DENND1A: variants seen among roughly 807,000 people sequenced by gnomAD.
The protein encoded by DENND1A is DENN domain containing 1A, also known as DENN domain-containing protein 1A.
In DENND1A, 51 loss-of-function variants were observed where a neutral mutation model predicts 113.7. The ratio of observed to expected loss-of-function variants is 0.45; its 90% CI spans 0.36 to 0.57. The LOEUF (loss-of-function observed/expected upper bound fraction) is 0.57. Among genes scored for constraint, DENND1A ranks in the 20% least tolerant of loss-of-function variants. The pLI, the probability that DENND1A is intolerant of heterozygous loss-of-function variation, is 0.00. For missense variants in DENND1A, 1,258 were observed against 1,395.9 expected, an observed-to-expected ratio of 0.90 and a Z score of 1.57; for synonymous variants, 565 against 570.8, an observed-to-expected ratio of 0.99 and a Z score of 0.14.
At chr9:123,613,304 T>C (rs1479036275) in intron 10 of DENND1A, among the ~76,000 whole-genome samples, 1 of 151,778 alleles carries the variant, frequency 6.6e-6, no homozygotes, top group Non-Finnish European at 1.5e-5. Context: ...GAGCATACAT[T>C]AAAAATAAAA....
intron 9 of DENND1A, among the ~76,000 whole-genome samples, chr9:123,648,874 A>G (rs1589507515): frequency 6.6e-6 from 1 of 152,176 alleles, no homozygotes; most frequent in African/African-American, 2.4e-5. Context: ...GATTCCCCAG[A>G]GATGCTACAA....
intron 6 of DENND1A, among the ~76,000 whole-genome samples, chr9:123,673,129 C>T (rs964482174): frequency 1.3e-5 from 2 of 152,190 alleles, no homozygotes; most frequent in Non-Finnish European, 1.5e-5. Flanking sequence ...GTCAATGTCC[C>T]TTCACTCATG....
intron 18 of DENND1A, among the ~76,000 whole-genome samples, chr9:123,442,854 G>C (rs1403235930): frequency 6.6e-6 from 1 of 152,126 alleles, no homozygotes; most frequent in Non-Finnish European, 1.5e-5. Context: ...ACTACCACCT[G>C]CTTGGCAAAC....
intron 12 of DENND1A, among the ~76,000 whole-genome samples, chr9:123,580,227 C>T (rs577384819): frequency 2.0e-4 from 30 of 152,266 alleles, no homozygotes; most frequent in Middle Eastern, 6.8e-3. Flanking sequence ...AAATAACTCA[C>T]CCAAGTTACT....
intron 1 of DENND1A, among the ~76,000 whole-genome samples, chr9:123,914,240 C>T (rs375300584): frequency 2.0e-5 from 3 of 151,924 alleles, no homozygotes; most frequent in South Asian, 2.1e-4. Flanking sequence ...AAAGTACCTG[C>T]GACTTCTTTA....
At chr9:123,890,023 C>T (rs1350333949) in intron 1 of DENND1A, among the ~76,000 whole-genome samples, 1 of 152,090 alleles carries the variant, frequency 6.6e-6, no homozygotes, top group Admixed American at 6.6e-5. Flanking sequence ...AACTTATGCC[C>T]CTCAGTCAGT....
intron 2 of DENND1A, among the ~76,000 whole-genome samples, chr9:123,818,517 TATACACACACACACACACACACACAC>T (rs1431643348): frequency 8.1e-6 from 1 of 123,136 alleles, no homozygotes; most frequent in South Asian, 2.6e-4. Context: ...TATACATACA[TATACACACACACACACACACACACAC>T]ACACACACAC....
At chr9:123,492,963 A>T (rs940443458) in intron 13 of DENND1A, 3 of 152,268 alleles carry the variant, frequency 2.0e-5, no homozygotes, top group Non-Finnish European at 4.4e-5. Context: ...GTGCTTACCC[A>T]TTGAGGCTCT....
chr9:123,512,710 C>T (rs773932204), intron 13 of DENND1A, among the ~76,000 whole-genome samples: 3 of 152,174 alleles, frequency 2.0e-5, no homozygotes, highest in South Asian at 2.1e-4. Context: ...TTTGGCTGGC[C>T]GCCTTAAAGA....
chr9:123,846,461 C>T (rs1842631479), intron 2 of DENND1A, among the ~76,000 whole-genome samples: 3 of 152,168 alleles, frequency 2.0e-5, no homozygotes, highest in Non-Finnish European at 4.4e-5. Flanking sequence ...TGTCCATCAA[C>T]AGATGAATGG....
chr9:123,389,200 C>T (rs2042718495), intron 21 of DENND1A, among the ~76,000 whole-genome samples: 1 of 152,248 alleles, frequency 6.6e-6, no homozygotes, highest in African/African-American at 2.4e-5. Flanking sequence ...TCCGCCAGGG[C>T]TGGTGCCCAT....
At chr9:123,686,780 A>C (rs879102759) in intron 5 of DENND1A, among the ~76,000 whole-genome samples, 1 of 152,192 alleles carries the variant, frequency 6.6e-6, no homozygotes, top group Admixed American at 6.5e-5. Flanking sequence ...TTAGATTCTT[A>C]AACAGACTGT....
At chr9:123,512,913 G>C (rs1440027565) in intron 13 of DENND1A, among the ~76,000 whole-genome samples, 1 of 152,250 alleles carries the variant, frequency 6.6e-6, no homozygotes, top group Non-Finnish European at 1.5e-5. Context: ...TGAGATGTGA[G>C]GGTGTCTGAA....
chr9:123,734,033 T>C (rs1182682764), intron 5 of DENND1A, among the ~76,000 whole-genome samples: 6 of 152,016 alleles, frequency 3.9e-5, no homozygotes, highest in Non-Finnish European at 7.4e-5. Context: ...AGGCACATAG[T>C]TCATAGTTCA....
chr9:123,395,608 G>C (rs942261465), intron 21 of DENND1A, among the ~76,000 whole-genome samples: 9 of 152,104 alleles, frequency 5.9e-5, no homozygotes, highest in African/African-American at 1.2e-4. Flanking sequence ...GGCCCTGGCA[G>C]CCTGCCAGGG....
intron 2 of DENND1A, among the ~76,000 whole-genome samples, chr9:123,856,325 C>T (rs984954727): frequency 2.6e-5 from 4 of 152,098 alleles, no homozygotes; most frequent in African/African-American, 7.2e-5. Flanking sequence ...GCGAGAAGAG[C>T]GCCCACACTG....
At chr9:123,596,953 T>C (rs980159028) in intron 11 of DENND1A, among the ~76,000 whole-genome samples, 1 of 152,190 alleles carries the variant, frequency 6.6e-6, no homozygotes, top group African/African-American at 2.4e-5. Flanking sequence ...GAGCATAACG[T>C]GTCTGGCAGT....
intron 13 of DENND1A, among the ~76,000 whole-genome samples, chr9:123,538,842 A>G (rs2056043807): frequency 1.6e-5 from 2 of 122,502 alleles, no homozygotes; most frequent in African/African-American, 3.0e-5. Flanking sequence ...ATATATATAT[A>G]TATATATATA....
At chr9:123,808,937 G>A (rs1836073757) in intron 2 of DENND1A, among the ~76,000 whole-genome samples, 1 of 152,022 alleles carries the variant, frequency 6.6e-6, no homozygotes, top group Non-Finnish European at 1.5e-5. Context: ...ACATTCTGTG[G>A]GCCCTCCAGT....
Sources: gnomAD v4.1 joint callset for allele counts (sites outside exome capture counted in the v4.1 genomes callset) on GRCh38, gnomAD v4.1.1 for gene constraint, MANE v1.5 for transcripts, NCBI Gene and HGNC (gene_info 2026-07-23, HGNC 2026-07-21) for gene names.